Variants in CTXN3 observed in about 807,000 individuals in gnomAD.
The protein encoded by CTXN3 is cortexin-3.
A neutral mutation model predicts 5.0 loss-of-function variants in CTXN3; 4 were observed. The observed-to-expected ratio is 0.79, with a 90% CI of 0.39 to 1.82. The LOEUF (loss-of-function observed/expected upper bound fraction) is 1.82. Among genes scored for constraint, CTXN3 ranks in the 40% most tolerant of loss-of-function variants. CTXN3 has a pLI of 0.04. For missense variants in CTXN3, 89 were observed against 99.7 expected (o/e 0.89, Z 0.46); for synonymous variants, 48 against 38.6 (o/e 1.24, Z -0.91).
At chr5:127,649,830 T>C (rs150175032) in intron 1 of CTXN3, among the ~76,000 whole-genome samples, 25 of 152,266 alleles carry the variant, frequency 1.6e-4, no homozygotes, top group African/African-American at 6.0e-4. Flanking sequence ...CCCTGGCTGA[T>C]AAGCTGTGTG....
In CTXN3 at chr5:127,657,702, A is replaced by G. The variant is rs1231276300; in HGVS notation, c.181A>G (p.Thr61Ala). The change falls in exon 3 of 3, where the codon ACC (threonine) becomes GCC (alanine). Residue 61 changes from threonine (T) to alanine (A), a missense_variant. Thr to Ala is a moderately conservative substitution (Grantham distance 58). Transcript: ENST00000379445. ...ILLDPYRSMP[T>A]STWADGLEGL... is the part of the protein sequence containing the mutation. The stretch of plus-strand genomic sequence containing the variant: ...TTTGGATCCATATCGAAGCATGCCA[A>G]CCTCTACCTGGGCTGATGGACTTGA... The G allele has an allele frequency of 1.9e-6, 3 of 1,614,112 alleles. No individual in the cohort carries two copies. The highest frequency in any genetic ancestry group is 2.5e-6 in the Non-Finnish European group (3 of 1,180,012).
chr5:127,651,039 T>A lies in CTXN3; in HGVS notation c.-207+1651T>A, dbSNP rs147932976. On this transcript the variant is annotated intron_variant, in intron 1 of 2. Transcript: ENST00000379445. ...AACTGTTGCAGAATAATGCAGCATT[T>A]TGAGTAAGTTTGTCTCTGTTGGTCA... Among the ~76,000 whole-genome samples the A allele has an allele frequency of 3.2e-3, 494 of 152,306 alleles. 3 individuals carry two copies. Among genetic ancestry groups the A allele is most frequent in the African/African-American group, 0.011 (459 of 41,558 alleles).
intron 1 of CTXN3, among the ~76,000 whole-genome samples, chr5:127,651,156 G>A (rs1313724147): frequency 6.6e-6 from 1 of 152,100 alleles, no homozygotes; most frequent in Non-Finnish European, 1.5e-5. Flanking sequence ...TATAAATAAG[G>A]TTGATAGTAT....
intron 1 of CTXN3, chr5:127,651,820 C>T (rs928191964): frequency 1.2e-4 from 18 of 149,664 alleles, no homozygotes; most frequent in African/African-American, 3.9e-4. Context: ...CTGTCGCTGT[C>T]ACTTAAAAAA....
chr5:127,651,018 G>A (rs1420515756), intron 1 of CTXN3, among the ~76,000 whole-genome samples: 1 of 152,166 alleles, frequency 6.6e-6, no homozygotes, highest in East Asian at 1.9e-4. Context: ...CTTCAGAACT[G>A]TTGCAGAATA....
At chr5:127,657,108 G>A (rs1749926384) in intron 2 of CTXN3, among the ~76,000 whole-genome samples, 1 of 152,176 alleles carries the variant, frequency 6.6e-6, no homozygotes, top group Non-Finnish European at 1.5e-5. Context: ...GACTTGGCAG[G>A]GGAGGCTGGG....
intron 1 of CTXN3, chr5:127,653,004 C>T (rs1196620608): frequency 6.6e-6 from 1 of 152,218 alleles, no homozygotes; most frequent in African/African-American, 2.4e-5. Context: ...GGGCTGTGGA[C>T]ACTGGGGTGC....
chr5:127,656,778 C>T (rs951370102), intron 2 of CTXN3, among the ~76,000 whole-genome samples: 1 of 152,138 alleles, frequency 6.6e-6, no homozygotes, highest in Non-Finnish European at 1.5e-5. Flanking sequence ...CTTATTACAG[C>T]ACCATGAAAG....
intron 2 of CTXN3, among the ~76,000 whole-genome samples, chr5:127,655,225 T>G (rs1054709423): frequency 6.6e-6 from 1 of 152,072 alleles, no homozygotes; most frequent in Non-Finnish European, 1.5e-5. Flanking sequence ...ATCGCACCAT[T>G]GCACTCCACC....
chr5:127,657,590 G>A lies in CTXN3; in HGVS notation c.69G>A (p.Met23Ile), dbSNP rs2280170. ...PLGNESADSS[M>I]SLEQKMTFVF... ...GGAACGAATCAGCAGATTCTAGCAT[G>A]TCCCTGGAGCAGAAAATGACATTTG... The change falls in exon 3 of 3, where the codon ATG becomes ATA. Residue 23 changes from methionine (M) to isoleucine (I), a missense_variant. Physicochemically the swap from Met to Ile is conservative, Grantham distance 10. Transcript: ENST00000379445. The A allele has an allele frequency of 0.038, 60,585 of 1,614,106 alleles. 4,267 individuals are homozygous for A. Among genetic ancestry groups the A allele is most frequent in the East Asian group, 0.26 (11,655 of 44,864 alleles).
At chr5:127,652,644 G>A (rs765277257) in intron 1 of CTXN3, among the ~76,000 whole-genome samples, 7 of 151,850 alleles carry the variant, frequency 4.6e-5, no homozygotes, top group Non-Finnish European at 5.9e-5. Context: ...GAGGAAAGAT[G>A]CTTGCCTCAT....
intron 1 of CTXN3, among the ~76,000 whole-genome samples, chr5:127,650,056 C>A (rs1749752265): frequency 6.6e-6 from 1 of 151,950 alleles, no homozygotes. Context: ...CCCTGCAGTC[C>A]CTTAAAAATT....
In CTXN3 at chr5:127,653,308, A is replaced by G. The variant is rs564155132; in HGVS notation, c.-206-9A>G. 4.6e-4 allele frequency: 70 copies of G among 152,262 alleles called. No individual in the cohort carries two copies. Among genetic ancestry groups the G allele is most frequent in the African/African-American group, 1.7e-3 (70 of 41,546 alleles). The allele number at this position is 152,262 out of a possible 1,614,324, so 9.4% of individuals were successfully genotyped here. ...TATCTTTTAATTAAGGTTTTCTTTA[A>G]TTTTTCAGTATTAAAATTAGACTCT... On this transcript the variant is annotated splice_polypyrimidine_tract_variant and intron_variant, in intron 1 of 2. Coordinates refer to ENST00000379445, the MANE Select transcript of CTXN3 (RefSeq NM_001048252.3).
At position 127,653,417 on chromosome 5, in the gene CTXN3, T is replaced by C. The variant is rs1296140587; in HGVS notation, c.-106T>C. On this transcript the variant is annotated 5_prime_UTR_variant, in exon 2 of 3. Coordinates refer to ENST00000379445, the MANE Select transcript of CTXN3 (RefSeq NM_001048252.3). ...TGAGGAAAGCCTATCAGGATTAAAA[T>C]ATGGCTGTGAGTAACTGTGGTCCTT... The C allele has an allele frequency of 1.3e-5, 2 of 152,198 alleles. No individual in the cohort carries two copies. Among genetic ancestry groups the C allele is most frequent in the East Asian group, 3.8e-4 (2 of 5,196 alleles). The allele number at this position is 152,198 out of a possible 1,614,324, so 9.4% of individuals were successfully genotyped here.
chr5:127,657,747 T>C lies in CTXN3; in HGVS notation c.226T>C (p.Phe76Leu). 6.2e-7 allele frequency: 1 copy of C among 1,614,148 alleles called. No homozygotes were observed. The highest frequency in any genetic ancestry group is 8.5e-7 in the Non-Finnish European group (1 of 1,180,020). Residue 76 changes from phenylalanine (F) to leucine (L), a missense_variant, in exon 3 of 3, where the codon TTC (phenylalanine) becomes CTC (leucine). Coordinates refer to ENST00000379445, the MANE Select transcript of CTXN3 (RefSeq NM_001048252.3). ...ACTTGAAGGCCTGGAGAAAGGGCAG[T>C]TCGACCATGCCCTTGCTTAGGAGGG... is the stretch of plus-strand genomic sequence containing the variant. ...DGLEGLEKGQ[F>L]DHALA
chr5:127,657,438 C>A lies in CTXN3; in HGVS notation c.-84C>A. The A allele has an allele frequency of 1.3e-6, 2 of 1,518,932 alleles. No individual in the cohort carries two copies. The highest frequency in any genetic ancestry group is 1.8e-6 in the Non-Finnish European group (2 of 1,115,212). 94.1% of individuals were successfully genotyped at this position (1,518,932 alleles called of 1,614,324 possible). Reference sequence around the variant, plus strand: ...TTCCCTGCAGATAACTCAGCCTCTCCAGAGTGCAGCCACCATGACCTCCGC... The same window carrying A: ...TTCCCTGCAGATAACTCAGCCTCTCAAGAGTGCAGCCACCATGACCTCCGC... On this transcript the variant is annotated 5_prime_UTR_variant, in exon 3 of 3. Coordinates refer to ENST00000379445, the MANE Select transcript of CTXN3 (RefSeq NM_001048252.3).
At chr5:127,654,362 G>T (rs557224460) in intron 2 of CTXN3, among the ~76,000 whole-genome samples, 1 of 152,322 alleles carries the variant, frequency 6.6e-6, no homozygotes, top group South Asian at 2.1e-4. Flanking sequence ...TCAATGCAAA[G>T]AGGGTTAACC....
chr5:127,654,044 C>G (rs1443915122), intron 2 of CTXN3, among the ~76,000 whole-genome samples: 1 of 152,224 alleles, frequency 6.6e-6, no homozygotes, highest in Non-Finnish European at 1.5e-5. Flanking sequence ...CGCCTTTCTA[C>G]TTACCACACT....
At chr5:127,651,537 T>C (rs1409222016) in intron 1 of CTXN3, among the ~76,000 whole-genome samples, 1 of 152,174 alleles carries the variant, frequency 6.6e-6, no homozygotes, top group East Asian at 1.9e-4. Flanking sequence ...AGTTTATTTA[T>C]AATTTTCATA....
Sources: gnomAD v4.1 joint callset for allele counts (sites outside exome capture counted in the v4.1 genomes callset) on GRCh38, gnomAD v4.1.1 for gene constraint, MANE v1.5 for transcripts, NCBI Gene and HGNC (gene_info 2026-07-23, HGNC 2026-07-21) for gene names.